IMMP2L: variants seen among roughly 807,000 people sequenced by gnomAD.
IMMP2L encodes mitochondrial inner membrane protease subunit 2.
Under a neutral mutation model 19.3 loss-of-function variants are expected in IMMP2L, and 18 were observed. The observed-to-expected ratio is 0.93, with a 90% confidence interval of 0.64 to 1.38. The LOEUF (loss-of-function observed/expected upper bound fraction) is 1.38, where lower values mean the gene tolerates loss of function less well. IMMP2L is among the 40% of genes most tolerant of loss of function. The pLI is 0.00. For synonymous variants in IMMP2L, 76 were observed against 73.0 expected (o/e 1.04, Z -0.21); for missense variants, 233 against 218.2 (o/e 1.07, Z -0.43).
chr7:110,818,650 A>G (rs1250142867), intron 5 of IMMP2L, among the ~76,000 whole-genome samples: 4 of 152,152 alleles, frequency 2.6e-5, no homozygotes, highest in Non-Finnish European at 4.4e-5. Context: ...GCTGCTATAA[A>G]GACACATGCA....
At chr7:111,079,407 G>A (rs970322422) in intron 3 of IMMP2L, among the ~76,000 whole-genome samples, 3 of 152,110 alleles carry the variant, frequency 2.0e-5, no homozygotes, top group Admixed American at 6.5e-5. Flanking sequence ...GTGAGCCACC[G>A]CGCCCGGCCT....
chr7:111,300,772 T>C (rs1207292335), intron 3 of IMMP2L, among the ~76,000 whole-genome samples: 3 of 152,150 alleles, frequency 2.0e-5, no homozygotes, highest in Admixed American at 2.0e-4. Context: ...GATTATTTCA[T>C]GTATCATACC....
intron 3 of IMMP2L, among the ~76,000 whole-genome samples, chr7:111,298,778 C>T (rs979946444): frequency 2.7e-5 from 4 of 149,352 alleles, no homozygotes; most frequent in Non-Finnish European, 4.5e-5. Flanking sequence ...AAAAAGCAGC[C>T]GATCTTTTTT....
chr7:111,489,236 G>A (rs990375358), intron 2 of IMMP2L, among the ~76,000 whole-genome samples: 3 of 151,580 alleles, frequency 2.0e-5, no homozygotes, highest in African/African-American at 7.3e-5. Flanking sequence ...GTAGAGACGG[G>A]GTTTCACCAT....
In IMMP2L at chr7:111,487,558, A is replaced by C. The variant is rs151234457; in HGVS notation, c.136-217T>G. Among the ~76,000 whole-genome samples the C allele has an allele frequency of 5.8e-3, 889 of 152,296 alleles. 10 individuals are homozygous for C. The highest frequency in any genetic ancestry group is 0.019 in the African/African-American group (776 of 41,568). On this transcript the variant is annotated intron_variant, in intron 2 of 5. Transcript: ENST00000405709. ...AGAAAAAAATAAATTACCAATGCTT[A>C]TTTGAAAGGAACGTGTGCTAGACAT...
intron 4 of IMMP2L, among the ~76,000 whole-genome samples, chr7:110,923,844 G>C (rs182160573): frequency 7.8e-4 from 118 of 152,242 alleles, no homozygotes; most frequent in South Asian, 6.4e-3. Flanking sequence ...GACTAAAACT[G>C]ATTTCTCAGA....
chr7:110,807,296 C>G (rs1315268745), intron 5 of IMMP2L, among the ~76,000 whole-genome samples: 1 of 151,932 alleles, frequency 6.6e-6, no homozygotes, highest in African/African-American at 2.4e-5. Flanking sequence ...ACAGTATGTT[C>G]ATTCTTATTC....
At chr7:111,186,278 C>A (rs999092131) in intron 3 of IMMP2L, among the ~76,000 whole-genome samples, 1 of 152,064 alleles carries the variant, frequency 6.6e-6, no homozygotes, top group African/African-American at 2.4e-5. Flanking sequence ...GTATATGCTG[C>A]GGGCATGTGA....
At chr7:110,807,624 A>G (rs189109949) in intron 5 of IMMP2L, among the ~76,000 whole-genome samples, 6 of 152,218 alleles carry the variant, frequency 3.9e-5, no homozygotes, top group Admixed American at 2.6e-4. Flanking sequence ...TTAAATAAAT[A>G]TACATGAAGA....
intron 4 of IMMP2L, among the ~76,000 whole-genome samples, chr7:110,950,856 A>ATATATATATG (rs1554470795): frequency 6.3e-5 from 8 of 126,078 alleles, no homozygotes; most frequent in East Asian, 4.4e-4. Context: ...ATATATATAT[A>ATATATATATG]TATATATATA....
At chr7:110,880,506 T>C (rs898247359) in intron 5 of IMMP2L, among the ~76,000 whole-genome samples, 29 of 152,126 alleles carry the variant, frequency 1.9e-4, no homozygotes, top group African/African-American at 6.8e-4. Flanking sequence ...TCAAATATTT[T>C]ATAAGTATAT....
chr7:110,964,619 G>T (rs73201014), intron 3 of IMMP2L, among the ~76,000 whole-genome samples: 4 of 151,932 alleles, frequency 2.6e-5, no homozygotes, highest in African/African-American at 7.3e-5. Flanking sequence ...GCCTCTCCTG[G>T]TATGTATATC....
chr7:111,366,592 T>C (rs953851596), intron 3 of IMMP2L, among the ~76,000 whole-genome samples: 1 of 151,934 alleles, frequency 6.6e-6, no homozygotes, highest in Non-Finnish European at 1.5e-5. Context: ...AGTTAGGTAA[T>C]GGCAATATAT....
At chr7:110,690,471 G>T (rs1793413551) in intron 5 of IMMP2L, among the ~76,000 whole-genome samples, 1 of 152,058 alleles carries the variant, frequency 6.6e-6, no homozygotes, top group African/African-American at 2.4e-5. Flanking sequence ...TCAGGCAAGA[G>T]AAAGAGATAA....
chr7:111,531,735 G>A (rs1293888409), intron 1 of IMMP2L, among the ~76,000 whole-genome samples: 1 of 152,110 alleles, frequency 6.6e-6, no homozygotes, highest in Non-Finnish European at 1.5e-5. Flanking sequence ...TGAATTTTAA[G>A]CTAACAATGT....
intron 3 of IMMP2L, among the ~76,000 whole-genome samples, chr7:111,051,485 G>A (rs1008685649): frequency 6.6e-6 from 1 of 152,148 alleles, no homozygotes; most frequent in African/African-American, 2.4e-5. Context: ...ATATATTTCT[G>A]AAGTGTTTCA....
intron 1 of IMMP2L, among the ~76,000 whole-genome samples, chr7:111,552,108 G>C (rs1375573334): frequency 1.3e-5 from 2 of 152,008 alleles, no homozygotes; most frequent in South Asian, 2.1e-4. Context: ...CTTGAAAAAG[G>C]CTATTTTGTT....
chr7:111,004,090 C>T (rs2129561784), intron 3 of IMMP2L, among the ~76,000 whole-genome samples: 1 of 152,230 alleles, frequency 6.6e-6, no homozygotes, highest in South Asian at 2.1e-4. Flanking sequence ...ACTAGAGGCA[C>T]ACTGTCTAGA....
chr7:111,455,202 G>A (rs1385705230), intron 3 of IMMP2L, among the ~76,000 whole-genome samples: 2 of 151,446 alleles, frequency 1.3e-5, no homozygotes, highest in East Asian at 1.9e-4. Flanking sequence ...TTGGCCTGTG[G>A]CTATTAACCA....
Sources: allele counts gnomAD v4.1 joint callset (sites outside exome capture counted in the v4.1 genomes callset), GRCh38; gene constraint gnomAD v4.1.1; transcripts MANE v1.5; gene names NCBI Gene and HGNC (gene_info 2026-07-23, HGNC 2026-07-21).